Variants in CRYZ observed in about 807,000 individuals in gnomAD.
CRYZ encodes the protein zeta-crystallin.
In CRYZ, 35 loss-of-function variants were observed where a neutral mutation model predicts 34.1. The observed-to-expected ratio is 1.03, with a 90% CI of 0.78 to 1.36. The LOEUF is 1.36. CRYZ is among the 40% of genes most tolerant of loss of function. The probability of loss-of-function intolerance (pLI) is 0.00; values close to 1 mark genes in which losing one functional copy is unlikely to be tolerated. For synonymous variants in CRYZ, 137 were observed against 136.5 expected (o/e 1.00, Z -0.03); for missense variants, 403 against 391.8 (o/e 1.03, Z -0.24).
In CRYZ at chr1:74,710,096, A is replaced by G; in HGVS notation, c.630+2T>C. 6.2e-7 allele frequency: 1 copy of G among 1,611,162 alleles called. No homozygotes were observed. ...CTTTTGTAAAACAGTGGAAAATTTT[A>G]CCTTAATTTTATCAATGTAATTCAC... On this transcript the variant is annotated splice_donor_variant, in intron 6 of 8. Transcript: ENST00000340866. LOFTEE classifies it high-confidence loss of function.
chr1:74,715,406 G>A (rs909765608), intron 4 of CRYZ, among the ~76,000 whole-genome samples: 42 of 152,216 alleles, frequency 2.8e-4, no homozygotes, highest in African/African-American at 9.9e-4. Flanking sequence ...GTGAGATCCA[G>A]ATCTGACTCT....
Position 74,710,324 on chromosome 1 carries a change from A to G in CRYZ, c.481-77T>C, listed in dbSNP as rs1386473042. The G allele has an allele frequency of 5.0e-6, 7 of 1,392,594 alleles. No individual in the cohort carries two copies. The East Asian group carries it at 1.6e-4, about 32-fold the overall frequency. The allele number at this position is 1,392,594 out of a possible 1,614,324, so 86.3% of individuals were successfully genotyped here. On this transcript the variant is annotated intron_variant, in intron 5 of 8. Coordinates refer to ENST00000340866, the MANE Select transcript of CRYZ (RefSeq NM_001889.4). ...CACTTAAATACATACAATGAACTTA[A>G]GATTCCTATAGGACCCACCCTAACT...
At chr1:74,706,558 A>G (rs1646932243) in intron 8 of CRYZ, 101 bp from the exon 9 acceptor site, 1 of 1,084,032 alleles carries the variant, frequency 9.2e-7, no homozygotes, top group Non-Finnish European at 1.3e-6. Context: ...TACCATGAAG[A>G]GTCTCTTACA....
chr1:74,706,046 T>G lies in CRYZ; in HGVS notation c.*250A>C. The G allele has an allele frequency of 2.9e-6, 1 of 345,214 alleles. No homozygotes were observed. The highest frequency in any genetic ancestry group is 4.8e-5 in the East Asian group (1 of 20,708). 21.4% of individuals were successfully genotyped at this position (345,214 alleles called of 1,614,324 possible). ...TAAGAATTACTGGAATGCACACTCATGCCAAATGACAACTAACATGTTATT... is the reference window on the plus strand; with the variant it reads ...TAAGAATTACTGGAATGCACACTCAGGCCAAATGACAACTAACATGTTATT... On this transcript the variant is annotated 3_prime_UTR_variant, in exon 9 of 9. Coordinates refer to ENST00000340866, the MANE Select transcript of CRYZ (RefSeq NM_001889.4).
In CRYZ at chr1:74,707,072, TAAAAAAAAAAAA is replaced by T; in HGVS notation, c.732+19_732+30del. ...AAATTGTGGTAAAACATTAAAGTGG[TAAAAAAAAAAAA>T]AAGAAAAGGAATACTTACTATCACT... is the stretch of plus-strand genomic sequence containing the variant. On this transcript the variant is annotated intron_variant, in intron 7 of 8. Transcript: ENST00000340866. The T allele has an allele frequency of 7.2e-7, 1 of 1,389,284 alleles. No homozygotes were observed. Among genetic ancestry groups the T allele is most frequent in the Non-Finnish European group, 9.8e-7 (1 of 1,015,514 alleles). 86.1% of individuals were successfully genotyped at this position (1,389,284 alleles called of 1,614,324 possible). A position where few individuals can be genotyped will look rare whatever the true frequency, so the allele number is the denominator to read the frequency against.
At chr1:74,721,989 A>G (rs900990214) in intron 3 of CRYZ, among the ~76,000 whole-genome samples, 4 of 152,220 alleles carry the variant, frequency 2.6e-5, no homozygotes, top group Non-Finnish European at 4.4e-5. Flanking sequence ...ACATGTAGCT[A>G]GTGGCTACTG....
Position 74,719,249 on chromosome 1 carries a change from C to CG in CRYZ, c.387dup (p.Gly130ArgfsTer41). The CG allele has an allele frequency of 5.0e-6, 8 of 1,613,728 alleles. No homozygotes were observed. The highest frequency in any genetic ancestry group is 5.9e-6 in the Non-Finnish European group (7 of 1,179,746). The stretch of plus-strand genomic sequence containing the variant: ...CGATAAGCAGTAAAATATGGAATGC[C>CG]GATGGCAGCTCCTTGTTTAAAGTCC... On this transcript the variant is annotated frameshift_variant, in exon 4 of 9. Coordinates refer to ENST00000340866, the MANE Select transcript of CRYZ (RefSeq NM_001889.4). LOFTEE classifies it high-confidence loss of function.
intron 1 of CRYZ, among the ~76,000 whole-genome samples, chr1:74,731,671 T>A (rs1647749955): frequency 6.6e-6 from 1 of 152,164 alleles, no homozygotes; most frequent in Non-Finnish European, 1.5e-5. Context: ...TCCCTAATGC[T>A]GGAGGAGTAG....
Position 74,706,286 on chromosome 1 carries a change from G to T in CRYZ, c.*10C>A, listed in dbSNP as rs1439722371. On this transcript the variant is annotated 3_prime_UTR_variant, in exon 9 of 9. Transcript: ENST00000340866. ...CTAATTACATAGGAAATCCATGAAA[G>T]AATTAATCATCATAAGAGAAGAATC... 6.3e-7 allele frequency: 1 copy of T among 1,591,420 alleles called. No homozygotes were observed. The highest frequency in any genetic ancestry group is 8.5e-7 in the Non-Finnish European group (1 of 1,170,524).
chr1:74,728,709 T>C (rs968823828), intron 1 of CRYZ, among the ~76,000 whole-genome samples: 3 of 152,212 alleles, frequency 2.0e-5, no homozygotes, highest in African/African-American at 7.2e-5. Flanking sequence ...GTAGTGTTAT[T>C]GATGGGAAGT....
At chr1:74,710,268 A>G (rs753119614) in intron 5 of CRYZ, 21 bp from the exon 6 acceptor site, 9 of 1,611,498 alleles carry the variant, frequency 5.6e-6, no homozygotes, top group South Asian at 1.1e-5. Context: ...AATATAACCC[A>G]AGAGTTATAT....
Position 74,710,133 on chromosome 1 carries a change from T to C in CRYZ, c.595A>G (p.Asn199Asp), listed in dbSNP as rs751153795. 9.3e-6 allele frequency: 15 copies of C among 1,613,618 alleles called. No homozygotes were observed. In the Admixed American group the frequency reaches 1.8e-4, roughly 20 times the overall value. ...TCAATGTAATTCACTTCTCTGTGAT[T>C]GAACACTTCATGGGCTCCATTTTGC... ...VLQNGAHEVF[N>D]HREVNYIDKI... The change falls in exon 6 of 9, where the codon AAT becomes GAT. Residue 199 changes from asparagine to aspartate, a missense_variant. Asn to Asp is a conservative substitution (Grantham distance 23). Transcript: ENST00000340866.
intron 4 of CRYZ, 143 bp downstream of exon 4, chr1:74,719,066 A>G: frequency 1.3e-6 from 1 of 789,832 alleles, no homozygotes; most frequent in Non-Finnish European, 2.0e-6. Context: ...CCAAATTCAC[A>G]GTTTCCATTA....
At chr1:74,714,960 G>A (rs1208567564) in intron 4 of CRYZ, among the ~76,000 whole-genome samples, 1 of 152,124 alleles carries the variant, frequency 6.6e-6, no homozygotes, top group Admixed American at 6.6e-5. Context: ...GGAGGATCTG[G>A]AATCTCTCAT....
Position 74,706,088 on chromosome 1 carries a change from CTT to C in CRYZ, c.*206_*207del, listed in dbSNP as rs1646923690. The C allele has an allele frequency of 2.2e-6, 1 of 445,080 alleles. No individual in the cohort carries two copies. Among genetic ancestry groups the C allele is most frequent in the East Asian group, 3.5e-5 (1 of 28,398 alleles). 27.6% of individuals were successfully genotyped at this position (445,080 alleles called of 1,614,324 possible). On this transcript the variant is annotated 3_prime_UTR_variant, in exon 9 of 9. Transcript: ENST00000340866. ...CATGTTATTTCCTACTATGATGACT[CTT>C]TGATTTGAGACAGATGGCATAAAAA... is the stretch of plus-strand genomic sequence containing the variant.
chr1:74,706,840 G>T, intron 8 of CRYZ, 59 bp downstream of exon 8: 2 of 1,390,364 alleles, frequency 1.4e-6, no homozygotes, highest in Non-Finnish European at 2.0e-6. Flanking sequence ...CAGCTTGCCT[G>T]AGTAGGCAAA....
intron 2 of CRYZ, 48 bp from the exon 3 acceptor site, chr1:74,723,318 T>A: frequency 1.3e-6 from 2 of 1,577,718 alleles, no homozygotes; most frequent in Non-Finnish European, 1.7e-6. Flanking sequence ...TAGGCATTCA[T>A]TTAACTTTAT....
chr1:74,715,372 C>T (rs983829747), intron 4 of CRYZ, among the ~76,000 whole-genome samples: 2 of 152,174 alleles, frequency 1.3e-5, no homozygotes, highest in African/African-American at 4.8e-5. Flanking sequence ...TGGACGGTGC[C>T]AATGTCAAAA....
At chr1:74,721,961 G>C (rs1415874042) in intron 3 of CRYZ, among the ~76,000 whole-genome samples, 1 of 152,168 alleles carries the variant, frequency 6.6e-6, no homozygotes, top group Non-Finnish European at 1.5e-5. Context: ...ATGAATTTAA[G>C]TTGAATTTTA....
Sources: gnomAD v4.1 joint callset for allele counts (sites outside exome capture counted in the v4.1 genomes callset) on GRCh38, gnomAD v4.1.1 for gene constraint, MANE v1.5 for transcripts, NCBI Gene and HGNC (gene_info 2026-07-23, HGNC 2026-07-21) for gene names.